The following CACNA1I variants were observed in gnomAD, a reference collection of about 807,000 sequenced individuals.
The protein encoded by CACNA1I is voltage-dependent T-type calcium channel subunit alpha-1I.
A neutral mutation model predicts 201.6 loss-of-function variants in CACNA1I; 74 were observed. That is an observed-to-expected ratio of 0.37 (90% CI 0.30 to 0.45). The LOEUF is 0.45. Among genes scored for constraint, CACNA1I ranks in the 20% least tolerant of loss-of-function variants. The probability of loss-of-function intolerance (pLI) is 1.00; values close to 1 mark genes in which losing one functional copy is unlikely to be tolerated. For missense variants in CACNA1I, 2,346 were observed against 3,138.1 expected, an observed-to-expected ratio of 0.75 and a Z score of 6.03; for synonymous variants, 1,431 against 1,345.2, an observed-to-expected ratio of 1.06 and a Z score of -1.40.
At chr22:39,592,334 T>A (rs1304388817) in intron 1 of CACNA1I, among the ~76,000 whole-genome samples, 10 of 152,206 alleles carry the variant, frequency 6.6e-5, no homozygotes, top group African/African-American at 2.4e-5. Context: ...AGGGTTTCCG[T>A]GTGAGTTTGA....
chr22:39,638,154 G>A (rs981079082), intron 5 of CACNA1I, among the ~76,000 whole-genome samples: 1 of 152,190 alleles, frequency 6.6e-6, no homozygotes, highest in African/African-American at 2.4e-5. Flanking sequence ...TGGCCAAGCT[G>A]GTCTCGAACT....
At chr22:39,674,637 C>G (rs4820388) in intron 29 of CACNA1I, among the ~76,000 whole-genome samples, 63,064 of 151,976 alleles carry the variant, frequency 0.41, 15,315 homozygotes, top group East Asian at 0.96. Context: ...TTCATCCTCC[C>G]GAGAATTCTG....
At chr22:39,646,972 A>G in intron 8 of CACNA1I, 91 bp downstream of exon 8, 4 of 1,433,754 alleles carry the variant, frequency 2.8e-6, no homozygotes, top group Non-Finnish European at 3.6e-6. Context: ...GCAGCCTCCA[A>G]ATTCCAGGTC....
intron 4 of CACNA1I, 74 bp from the exon 5 acceptor site, chr22:39,634,491 A>T: frequency 2.7e-6 from 4 of 1,461,896 alleles, no homozygotes; most frequent in Middle Eastern, 2.1e-4. Flanking sequence ...TGTTTCTCTA[A>T]CCTTGCTCTC....
rs902545130 is a variant in CACNA1I at position 39,595,843 on chromosome 22, G to A, written c.237-2308G>A. Among the ~76,000 whole-genome samples the A allele has an allele frequency of 4.6e-5, 7 of 151,942 alleles. No individual in the cohort carries two copies. The East Asian group carries it at 1.2e-3, about 26-fold the overall frequency. On this transcript the variant is annotated intron_variant, in intron 1 of 36. Coordinates refer to ENST00000402142, the MANE Select transcript of CACNA1I (RefSeq NM_021096.4). ...TCATTGAACACCTACTAGATGTTAGGCCGTGAGTGTAAAGTCCCTGTCCCC... is the reference window on the plus strand; with the variant it reads ...TCATTGAACACCTACTAGATGTTAGACCGTGAGTGTAAAGTCCCTGTCCCC...
chr22:39,659,594 G>C lies in CACNA1I; in HGVS notation c.2448+44G>C. On this transcript the variant is annotated intron_variant, in intron 13 of 36. Coordinates refer to ENST00000402142, the MANE Select transcript of CACNA1I (RefSeq NM_021096.4). This position sits in a 1 kb window ranked among gnomAD's most constrained non-coding sequence, Gnocchi z 4.3. The stretch of plus-strand genomic sequence containing the variant: ...TTCATGTTTGCTGGGGAAGCGATGG[G>C]ACAGTAGGCCTGGGAGGGGCGGGGC... 1 of 1,599,686 alleles carries C rather than the reference G, an allele frequency of 6.3e-7. No individual in the cohort carries two copies. The highest frequency in any genetic ancestry group is 8.6e-7 in the Non-Finnish European group (1 of 1,167,278).
chr22:39,682,175 C>A (rs1935725161), intron 34 of CACNA1I, among the ~76,000 whole-genome samples: 1 of 152,168 alleles, frequency 6.6e-6, no homozygotes, highest in African/African-American at 2.4e-5. Flanking sequence ...GGGACCCACC[C>A]AAGGTCATGC....
intron 18 of CACNA1I, 46 bp from the exon 19 acceptor site, chr22:39,663,672 G>A (rs1487039492): frequency 6.2e-7 from 1 of 1,609,974 alleles, no homozygotes; most frequent in Non-Finnish European, 8.5e-7. Context: ...TCTGGCCAGG[G>A]TGGGAGGCAG....
chr22:39,583,353 C>T (rs1932642543), intron 1 of CACNA1I, among the ~76,000 whole-genome samples: 1 of 118,794 alleles, frequency 8.4e-6, no homozygotes, highest in South Asian at 3.2e-4. Flanking sequence ...TCCAGCCAAC[C>T]ATCCAACCAT....
rs375092238 is a variant in CACNA1I at position 39,604,453 on chromosome 22, A to T, written c.482+3800A>T. ...GATGTGTGCGGTCACACAGGGCCCCACGCTTGGGTCCATACTCTGCTGTCA... is the reference window on the plus strand; with the variant it reads ...GATGTGTGCGGTCACACAGGGCCCCTCGCTTGGGTCCATACTCTGCTGTCA... On this transcript the variant is annotated intron_variant, in intron 3 of 36. Transcript: ENST00000402142. 4.6e-5 allele frequency among the ~76,000 whole-genome samples: 7 copies of T among 152,166 alleles called. No individual in the cohort carries two copies. In the East Asian group the frequency reaches 1.2e-3, roughly 25 times the overall value.
rs1490811028 is a variant in CACNA1I at position 39,646,881 on chromosome 22, C to T, written c.1462C>T (p.His488Tyr). 2.7e-6 allele frequency: 4 copies of T among 1,488,882 alleles called. No individual in the cohort carries two copies. The highest frequency in any genetic ancestry group is 5.1e-5 in the Admixed American group (2 of 38,866). The allele number at this position is 1,488,882 out of a possible 1,614,324, so 92.2% of individuals were successfully genotyped here. A position where few individuals can be genotyped will look rare whatever the true frequency, so the allele number is the denominator to read the frequency against. The part of the protein sequence containing the change: ...GPHAKEPRHY[H>Y]GKTKGQGDEG... The stretch of plus-strand genomic sequence containing the variant: ...CCACGCCAAGGAGCCCCGGCACTAC[C>T]GTAAGTGGCCCTGCATCCGACGCGG... Residue 488 changes from histidine (H) to tyrosine (Y), a missense_variant and splice_region_variant, in exon 8 of 37, where the codon CAT becomes TAT. His to Tyr is a moderately conservative substitution (Grantham distance 83). Around this residue, in one of 13 missense-constraint regions of CACNA1I, gnomAD observed 312 missense variants for 331.5 expected, o/e 0.94. Transcript: ENST00000402142.
At chr22:39,576,958 T>G (rs901277100) in intron 1 of CACNA1I, among the ~76,000 whole-genome samples, 1 of 152,052 alleles carries the variant, frequency 6.6e-6, no homozygotes, top group Non-Finnish European at 1.5e-5. Flanking sequence ...CTTCTTCTTC[T>G]TCTTTTTTTT....
At chr22:39,609,489 C>G (rs889876647) in intron 3 of CACNA1I, among the ~76,000 whole-genome samples, 2 of 152,230 alleles carry the variant, frequency 1.3e-5, no homozygotes, top group African/African-American at 4.8e-5. Context: ...ATTTTCCAGG[C>G]CTTTCTTTCA....
At position 39,658,163 on chromosome 22, in the gene CACNA1I, G is replaced by A. The variant is rs753663187; in HGVS notation, c.2004G>A (p.Leu668=). The change falls in exon 11 of 37, where the codon CTG becomes CTA. Residue 668 remains leucine (L), a synonymous_variant. Coordinates refer to ENST00000402142, the MANE Select transcript of CACNA1I (RefSeq NM_021096.4). ...GIEHHEQPEE[L]TNILEICNVV... is the part of the protein sequence containing the mutation. ...CCAATGCCCCACAGCCGGAGGAGCT[G>A]ACCAACATCCTGGAGATCTGCAATG... 6.2e-7 allele frequency: 1 copy of A among 1,613,946 alleles called. No individual in the cohort carries two copies. Among genetic ancestry groups the A allele is most frequent in the Non-Finnish European group, 8.5e-7 (1 of 1,179,848 alleles).
At chr22:39,613,165 G>C (rs1201230193) in intron 3 of CACNA1I, among the ~76,000 whole-genome samples, 1 of 152,170 alleles carries the variant, frequency 6.6e-6, no homozygotes. Context: ...GTGGCTTCTT[G>C]TCAGCTCCAA....
chr22:39,578,553 G>T (rs190835724), intron 1 of CACNA1I, among the ~76,000 whole-genome samples: 1 of 151,900 alleles, frequency 6.6e-6, no homozygotes, highest in African/African-American at 2.4e-5. Flanking sequence ...ACCCAAAACC[G>T]TGTGACCTTG....
chr22:39,630,121 C>A lies in CACNA1I; in HGVS notation c.581-4444C>A, dbSNP rs1304675216. Among the ~76,000 whole-genome samples, 11 of 152,282 alleles carry A rather than the reference C, an allele frequency of 7.2e-5. No individual in the cohort carries two copies. In the South Asian group the frequency reaches 2.3e-3, roughly 32 times the overall value. On this transcript the variant is annotated intron_variant, in intron 4 of 36. Coordinates refer to ENST00000402142, the MANE Select transcript of CACNA1I (RefSeq NM_021096.4). Reference sequence around the variant, plus strand: ...CTGCCTCCGACTTGAGGGCTGTCCCCCAGACAGCGACAGCCCCTCAGCTGA... The same window carrying A: ...CTGCCTCCGACTTGAGGGCTGTCCCACAGACAGCGACAGCCCCTCAGCTGA...
chr22:39,572,826 G>A (rs959064297), intron 1 of CACNA1I, among the ~76,000 whole-genome samples: 10 of 151,880 alleles, frequency 6.6e-5, no homozygotes, highest in Non-Finnish European at 1.5e-4. Flanking sequence ...GCGCGATCTC[G>A]GCTCACTGCA....
chr22:39,647,436 T>C (rs1934524748), intron 8 of CACNA1I, among the ~76,000 whole-genome samples: 2 of 152,188 alleles, frequency 1.3e-5, no homozygotes, highest in Admixed American at 6.5e-5. Context: ...TTTTTGTTGT[T>C]GTTGTTAAGA....
Sources: allele counts gnomAD v4.1 joint callset (sites outside exome capture counted in the v4.1 genomes callset), GRCh38; gene constraint gnomAD v4.1.1; regional missense constraint gnomAD v4.1.1; non-coding constraint Gnocchi (gnomAD v3.1); transcripts MANE v1.5; gene names NCBI Gene and HGNC (gene_info 2026-07-23, HGNC 2026-07-21).